Variants in DSCAM observed in about 807,000 individuals in gnomAD.
The protein encoded by DSCAM is DS cell adhesion molecule.
In DSCAM, 47 loss-of-function variants were observed where a neutral mutation model predicts 217.7. That is an observed-to-expected ratio of 0.22 (90% confidence interval 0.17 to 0.28). The LOEUF is 0.28. DSCAM is among the 10% of genes least tolerant of loss of function. The pLI, the probability that DSCAM is intolerant of heterozygous loss-of-function variation, is 1.00. For missense variants in DSCAM, 2,080 were observed against 2,618.3 expected, an observed-to-expected ratio of 0.79 and a Z score of 4.49; for synonymous variants, 1,056 against 1,015.3, an observed-to-expected ratio of 1.04 and a Z score of -0.76.
At chr21:40,134,474 C>T (rs1040728362) in intron 18 of DSCAM, among the ~76,000 whole-genome samples, 5 of 152,198 alleles carry the variant, frequency 3.3e-5, no homozygotes, top group African/African-American at 1.2e-4. Context: ...ACAAGCTCTA[C>T]TTTAACATAC....
chr21:40,586,702 C>A (rs4818144), intron 3 of DSCAM, among the ~76,000 whole-genome samples: 1 of 151,904 alleles, frequency 6.6e-6, no homozygotes, highest in Non-Finnish European at 1.5e-5. Flanking sequence ...CAAGAAGGTG[C>A]GAGAGGTGTG....
chr21:40,614,131 G>C (rs1344212832), intron 3 of DSCAM, among the ~76,000 whole-genome samples: 1 of 152,224 alleles, frequency 6.6e-6, no homozygotes, highest in African/African-American at 2.4e-5. Flanking sequence ...GCCTAAGGTG[G>C]CCTGTCCTGC....
chr21:40,814,504 G>T (rs1380314194), intron 1 of DSCAM, among the ~76,000 whole-genome samples: 3 of 152,202 alleles, frequency 2.0e-5, no homozygotes, highest in Non-Finnish European at 4.4e-5. Flanking sequence ...ACATCTAATA[G>T]CTATTTTAAA....
intron 3 of DSCAM, among the ~76,000 whole-genome samples, chr21:40,523,666 T>C (rs1202763109): frequency 6.6e-6 from 1 of 152,188 alleles, no homozygotes; most frequent in African/African-American, 2.4e-5. Flanking sequence ...ATCTGATTCT[T>C]CTGGTACAGC....
chr21:40,097,988 AAGAAAG>A (rs2089703753), intron 20 of DSCAM, among the ~76,000 whole-genome samples: 1 of 147,508 alleles, frequency 6.8e-6, no homozygotes, highest in Admixed American at 6.8e-5. Context: ...GAAAGAAAGA[AAGAAAG>A]AAAGAAAGAA....
At chr21:40,119,151 T>C (rs1270919724) in intron 20 of DSCAM, among the ~76,000 whole-genome samples, 1 of 152,206 alleles carries the variant, frequency 6.6e-6, no homozygotes, top group East Asian at 1.9e-4. Flanking sequence ...TGTAAATCAC[T>C]GAGGTTTCAG....
intron 2 of DSCAM, among the ~76,000 whole-genome samples, chr21:40,694,537 C>G (rs1176348476): frequency 6.6e-6 from 1 of 152,066 alleles, no homozygotes; most frequent in Admixed American, 6.5e-5. Context: ...GCCTTCCTCT[C>G]CAGTTTCCAT....
intron 3 of DSCAM, among the ~76,000 whole-genome samples, chr21:40,522,305 T>C (rs746978880): frequency 1.3e-5 from 2 of 152,242 alleles, no homozygotes; most frequent in Non-Finnish European, 1.5e-5. Flanking sequence ...TCAGTTACCA[T>C]GTGCTGACAC....
chr21:40,225,610 G>T (rs994025734), intron 11 of DSCAM, among the ~76,000 whole-genome samples: 1 of 152,092 alleles, frequency 6.6e-6, no homozygotes, highest in East Asian at 1.9e-4. Context: ...GAGGGATTAA[G>T]AGGCCCCGCC....
chr21:40,219,036 G>A (rs2091267794), intron 11 of DSCAM, among the ~76,000 whole-genome samples: 2 of 152,136 alleles, frequency 1.3e-5, no homozygotes, highest in Non-Finnish European at 2.9e-5. Context: ...GTGAGAGAGG[G>A]CATCCTCGTC....
intron 2 of DSCAM, among the ~76,000 whole-genome samples, chr21:40,698,826 C>T (rs1432643755): frequency 1.4e-5 from 2 of 144,860 alleles, no homozygotes; most frequent in Non-Finnish European, 1.5e-5. Context: ...GCTGAGATTG[C>T]GCCAATGCAC....
intron 11 of DSCAM, among the ~76,000 whole-genome samples, chr21:40,204,108 T>C (rs1469341729): frequency 6.6e-6 from 1 of 152,218 alleles, no homozygotes; most frequent in Non-Finnish European, 1.5e-5. Context: ...AATGGGGTGA[T>C]GGTCTGCTTA....
intron 3 of DSCAM, among the ~76,000 whole-genome samples, chr21:40,512,631 A>G (rs2076268591): frequency 6.6e-6 from 1 of 152,140 alleles, no homozygotes; most frequent in South Asian, 2.1e-4. Context: ...TGATTAATCA[A>G]TGATAGAAAC....
intron 11 of DSCAM, among the ~76,000 whole-genome samples, chr21:40,249,587 G>A (rs1334756581): frequency 2.0e-5 from 3 of 152,186 alleles, no homozygotes; most frequent in African/African-American, 7.2e-5. Flanking sequence ...CATGGGAATT[G>A]TGAAGGGTGA....
In DSCAM at chr21:40,087,287, G is replaced by A; in HGVS notation, c.3851C>T (p.Ala1284Val). ...EIITVEPLAK[A>V]PARILTFSGT... Reference sequence around the variant, plus strand: ...ACTGAAGGTCAGGATTCGTGCAGGAGCTGAGGAACCAAACAAAGTGGAATC... The same window carrying A: ...ACTGAAGGTCAGGATTCGTGCAGGAACTGAGGAACCAAACAAAGTGGAATC... Residue 1284 changes from alanine (A) to valine (V), a missense_variant and splice_region_variant, in exon 22 of 33, where the codon GCT becomes GTT. Transcript: ENST00000400454. The A allele has an allele frequency of 6.2e-7, 1 of 1,612,038 alleles. No individual in the cohort carries two copies. Among genetic ancestry groups the A allele is most frequent in the Non-Finnish European group, 8.5e-7 (1 of 1,178,060 alleles).
intron 11 of DSCAM, among the ~76,000 whole-genome samples, chr21:40,245,694 A>G (rs889774612): frequency 6.6e-6 from 1 of 152,150 alleles, no homozygotes; most frequent in Non-Finnish European, 1.5e-5. Flanking sequence ...CAAATGAGGA[A>G]GAGATTGTGT....
rs542106779 is a variant in DSCAM at position 40,259,661 on chromosome 21, CTTTTTTT to C, written c.2356+16429_2356+16435del. 1.4e-3 allele frequency among the ~76,000 whole-genome samples: 82 copies of C among 59,510 alleles called. No homozygotes were observed. In the East Asian group the frequency reaches 0.031, roughly 22 times the overall value. The allele number at this position is 59,510 out of a possible 152,430, so 39.0% of individuals were successfully genotyped here. A position where few individuals can be genotyped will look rare whatever the true frequency, so the allele number is the denominator to read the frequency against. On this transcript the variant is annotated intron_variant, in intron 11 of 32. Transcript: ENST00000400454. ...GAATGAAAGTTTTGAGTCAGCCATT[CTTTTTTT>C]TTTTTTTTTTTTTTTTTTTTTTTGA...
chr21:40,842,517 T>G (rs957693903), intron 1 of DSCAM, among the ~76,000 whole-genome samples: 2 of 152,208 alleles, frequency 1.3e-5, no homozygotes, highest in Non-Finnish European at 2.9e-5. Context: ...ACCCATCCTT[T>G]TATTTTGCAA....
chr21:40,142,753 C>G (rs771400059), intron 17 of DSCAM, 49 bp from the exon 18 acceptor site: 2 of 1,470,492 alleles, frequency 1.4e-6, no homozygotes, highest in South Asian at 1.3e-5. Flanking sequence ...GGTTTATGAG[C>G]AAAGCAATAA....
Sources: gnomAD v4.1 joint callset for allele counts (sites outside exome capture counted in the v4.1 genomes callset) on GRCh38, gnomAD v4.1.1 for gene constraint, MANE v1.5 for transcripts, NCBI Gene and HGNC (gene_info 2026-07-23, HGNC 2026-07-21) for gene names.